Variants in GLRA2 observed in about 807,000 individuals in gnomAD.
The protein encoded by GLRA2 is glycine receptor alpha 2.
In GLRA2, 11 loss-of-function variants were observed where a neutral mutation model predicts 31.6. That is an observed-to-expected ratio of 0.35 (90% CI 0.22 to 0.58). GLRA2 has a LOEUF of 0.58. Ranked by LOEUF, GLRA2 falls within the 20% of genes least tolerant of loss-of-function variation. The pLI is 0.84. For missense variants in GLRA2, 212 were observed against 351.8 expected (o/e 0.60, Z 3.18); for synonymous variants, 132 against 134.0 (o/e 0.99, Z 0.10).
the GLRA2 span, among the ~76,000 whole-genome samples, chrX:14,454,546 CAAAT>C: frequency 1.6e-4 from 17 of 105,441 alleles, no homozygotes; most frequent in South Asian, 8.2e-4. Context: ...CTTCTTTTCT[CAAAT>C]AAAGTGTAAG....
chrX:14,571,849 A>T (rs779497184), intron 2 of GLRA2, among the ~76,000 whole-genome samples: 1 of 111,958 alleles, frequency 8.9e-6, no homozygotes, highest in Non-Finnish European at 1.9e-5. Flanking sequence ...TACCATGGTT[A>T]GCAGGCCAGG....
At chrX:14,615,076 A>T (rs946752000) in intron 7 of GLRA2, among the ~76,000 whole-genome samples, 3 of 111,756 alleles carry the variant, frequency 2.7e-5, no homozygotes, top group African/African-American at 9.7e-5. Flanking sequence ...CTGAGGCAAT[A>T]AGAATATCCT....
chrX:14,547,007 A>C (rs1371434557), intron 2 of GLRA2, among the ~76,000 whole-genome samples: 1 of 111,694 alleles, frequency 9.0e-6, no homozygotes, highest in Non-Finnish European at 1.9e-5. Flanking sequence ...AGAGCAAAGC[A>C]CTTGAGGGTA....
At chrX:14,682,481 C>A (rs193264838) in intron 7 of GLRA2, among the ~76,000 whole-genome samples, 30 of 111,321 alleles carry the variant, frequency 2.7e-4, no homozygotes, top group Admixed American at 3.8e-4. Flanking sequence ...AACAAAATCA[C>A]ACCCTTCTAT....
At chrX:14,594,216 G>C (rs2090175930) in intron 4 of GLRA2, among the ~76,000 whole-genome samples, 2 of 111,409 alleles carry the variant, frequency 1.8e-5, no homozygotes, top group African/African-American at 6.5e-5. Context: ...TCTCAAAACG[G>C]TATCTGCAGT....
chrX:14,730,592 GGGAGGGAGGGTCATGGGGGT>G lies in GLRA2; in HGVS notation c.*110_*129del. Reference sequence around the variant, plus strand: ...GACAGAGGAGAAGATTGAGGGAGGGGGGAGGGAGGGTCATGGGGGTGGGTTTCCTGGCACCTACATGAAAA... The same window carrying G: ...GACAGAGGAGAAGATTGAGGGAGGGGGGGTTTCCTGGCACCTACATGAAAA... On this transcript the variant is annotated 3_prime_UTR_variant, in exon 9 of 9. Transcript: ENST00000218075. The G allele has an allele frequency of 1.7e-4, 21 of 125,432 alleles. No homozygotes were observed. The highest frequency in any genetic ancestry group is 8.8e-4 in the South Asian group (4 of 4,534). 10.3% of individuals were successfully genotyped at this position (125,432 alleles called of 1,213,427 possible). A position where few individuals can be genotyped will look rare whatever the true frequency, so the allele number is the denominator to read the frequency against.
At chrX:14,689,362 T>G (rs2091317794) in intron 7 of GLRA2, among the ~76,000 whole-genome samples, 1 of 112,601 alleles carries the variant, frequency 8.9e-6, no homozygotes, top group African/African-American at 3.2e-5. Flanking sequence ...AATCATGGTA[T>G]AGACCATTAG....
intron 8 of GLRA2, among the ~76,000 whole-genome samples, chrX:14,707,900 A>G (rs1235623310): frequency 9.0e-6 from 1 of 111,144 alleles, no homozygotes; most frequent in Non-Finnish European, 1.9e-5. Context: ...ATATATGTAT[A>G]CACTGTGAAA....
chrX:14,696,137 A>G (rs1312946989), intron 8 of GLRA2, among the ~76,000 whole-genome samples: 2 of 103,921 alleles, frequency 1.9e-5, no homozygotes, highest in Non-Finnish European at 3.9e-5. Flanking sequence ...GTAGAAGGGA[A>G]GAAGGAAGGA....
the GLRA2 span, among the ~76,000 whole-genome samples, chrX:14,474,705 TGGCTGG>T: frequency 3.0e-5 from 3 of 99,863 alleles, no homozygotes; most frequent in Non-Finnish European, 6.0e-5. Flanking sequence ...ATGGCTGGGA[TGGCTGG>T]GATGGCTGGG....
chrX:14,518,046 C>CA, the GLRA2 span, among the ~76,000 whole-genome samples: 3 of 110,535 alleles, frequency 2.7e-5, no homozygotes, highest in Admixed American at 1.9e-4. Context: ...GAATAGTTTT[C>CA]AAAAAAATTA....
chrX:14,670,942 G>A (rs914810225), intron 7 of GLRA2, among the ~76,000 whole-genome samples: 4 of 111,637 alleles, frequency 3.6e-5, no homozygotes, highest in African/African-American at 1.3e-4. Flanking sequence ...TCTGACCCCA[G>A]GAGAGTTGGC....
intron 7 of GLRA2, among the ~76,000 whole-genome samples, chrX:14,623,583 C>T (rs943566518): frequency 5.4e-5 from 6 of 111,501 alleles, no homozygotes; most frequent in Non-Finnish European, 1.1e-4. Context: ...TTGTCAAAGG[C>T]CTTTTCTGCA....
chrX:14,516,860 C>A, the GLRA2 span, among the ~76,000 whole-genome samples: 1 of 111,662 alleles, frequency 9.0e-6, no homozygotes, highest in South Asian at 3.8e-4. Context: ...TACCAAATAC[C>A]AGTCATATAA....
intron 8 of GLRA2, among the ~76,000 whole-genome samples, chrX:14,696,490 G>A (rs969704790): frequency 1.3e-4 from 14 of 111,984 alleles, no homozygotes; most frequent in African/African-American, 2.0e-4. Context: ...TTGGAAGGCC[G>A]AGGATGGGGT....
At chrX:14,640,415 T>C (rs2090760318) in intron 7 of GLRA2, among the ~76,000 whole-genome samples, 1 of 112,090 alleles carries the variant, frequency 8.9e-6, no homozygotes, top group Non-Finnish European at 1.9e-5. Context: ...GTAAAACATT[T>C]GTCAGACACA....
At chrX:14,594,374 T>C (rs2090178398) in intron 4 of GLRA2, among the ~76,000 whole-genome samples, 1 of 111,683 alleles carries the variant, frequency 9.0e-6, no homozygotes, top group African/African-American at 3.3e-5. Flanking sequence ...ACTAGACGCA[T>C]AGTAACAATG....
Position 14,731,460 on chromosome X carries a change from G to C in GLRA2, c.*975G>C, listed in dbSNP as rs990959803. ...TGAACAGTGTAGCTCAGGTCAGCTT[G>C]AACTTTCCATTTCTGCTCTCATTGT... is the stretch of plus-strand genomic sequence containing the variant. On this transcript the variant is annotated 3_prime_UTR_variant, in exon 9 of 9. Transcript: ENST00000218075. The C allele has an allele frequency of 7.2e-5, 8 of 111,860 alleles. No homozygotes were observed. The highest frequency in any genetic ancestry group is 2.6e-4 in the African/African-American group (8 of 30,671). The allele number at this position is 111,860 out of a possible 1,213,427, so 9.2% of individuals were successfully genotyped here.
intron 3 of GLRA2, among the ~76,000 whole-genome samples, chrX:14,574,996 C>A (rs1294112845): frequency 9.2e-6 from 1 of 108,794 alleles, no homozygotes; most frequent in Non-Finnish European, 1.9e-5. Flanking sequence ...TTCCAAAGGG[C>A]TGAAATTAGA....
Sources: gnomAD v4.1 joint callset for allele counts (sites outside exome capture counted in the v4.1 genomes callset) on GRCh38, gnomAD v4.1.1 for gene constraint, MANE v1.5 for transcripts, NCBI Gene and HGNC (gene_info 2026-07-23, HGNC 2026-07-21) for gene names.